Variants in RGSL1 observed in about 807,000 individuals in gnomAD.
RGSL1 encodes regulator of G protein signaling like 1.
A neutral mutation model predicts 124.7 loss-of-function variants in RGSL1; 97 were observed. The observed-to-expected ratio is 0.78, with a 90% CI of 0.66 to 0.92. RGSL1 has a LOEUF of 0.92. RGSL1 is among the 40% of genes least tolerant of loss of function. The pLI is 0.00. For synonymous variants in RGSL1, 424 were observed against 438.1 expected (o/e 0.97, Z 0.40); for missense variants, 1,233 against 1,288.4 (o/e 0.96, Z 0.66).
At chr1:182,469,797 AAT>A (rs897503739) in intron 4 of RGSL1, among the ~76,000 whole-genome samples, 1 of 152,026 alleles carries the variant, frequency 6.6e-6, no homozygotes, top group Non-Finnish European at 1.5e-5. Context: ...TGAGATTTTA[AAT>A]ATATATATAT....
intron 6 of RGSL1, among the ~76,000 whole-genome samples, chr1:182,487,777 G>T (rs1402790230): frequency 6.6e-6 from 1 of 152,194 alleles, no homozygotes; most frequent in Non-Finnish European, 1.5e-5. Context: ...TCAAATGAAT[G>T]AATGAATGAA....
Position 182,540,427 on chromosome 1 carries a change from T to G in RGSL1, c.2669+6T>G. The G allele has an allele frequency of 6.5e-7, 1 of 1,548,744 alleles. No homozygotes were observed. The highest frequency in any genetic ancestry group is 1.2e-5 in the South Asian group (1 of 83,750). On this transcript the variant is annotated splice_donor_region_variant and intron_variant, in intron 15 of 21. Coordinates refer to ENST00000294854, the MANE Select transcript of RGSL1 (RefSeq NM_001137669.2). ...TTCTTTTCTGAAATGGAGAAGTAAG[T>G]TTTCCACTTCTCCTTCTTCTGCCCT...
chr1:182,483,208 T>C (rs1035833999), intron 6 of RGSL1, among the ~76,000 whole-genome samples: 9 of 152,140 alleles, frequency 5.9e-5, no homozygotes, highest in South Asian at 4.1e-4. Flanking sequence ...CTATATTGTA[T>C]ACTTAAAATT....
At chr1:182,500,245 C>G (rs1392166994) in intron 9 of RGSL1, among the ~76,000 whole-genome samples, 4 of 152,076 alleles carry the variant, frequency 2.6e-5, no homozygotes, top group African/African-American at 9.7e-5. Flanking sequence ...GCCAACTGAT[C>G]CAGCACCATT....
chr1:182,498,703 G>C (rs1656120052), intron 9 of RGSL1, among the ~76,000 whole-genome samples: 1 of 152,046 alleles, frequency 6.6e-6, no homozygotes, highest in Non-Finnish European at 1.5e-5. Context: ...CAACAGTGTG[G>C]TTGGTTTAAA....
intron 2 of RGSL1, among the ~76,000 whole-genome samples, chr1:182,457,283 G>C (rs774118278): frequency 2.0e-5 from 3 of 152,174 alleles, no homozygotes; most frequent in Admixed American, 6.5e-5. Flanking sequence ...GCCCTCTATG[G>C]TATAAATGTC....
At chr1:182,499,096 A>C (rs1426844341) in intron 9 of RGSL1, among the ~76,000 whole-genome samples, 1 of 152,182 alleles carries the variant, frequency 6.6e-6, no homozygotes, top group Non-Finnish European at 1.5e-5. Flanking sequence ...CCTGGCTCTT[A>C]TGTGGCCAAT....
Position 182,548,762 on chromosome 1 carries a change from T to A in RGSL1, c.2871T>A (p.Asp957Glu). 1 of 1,551,660 alleles carries A rather than the reference T, an allele frequency of 6.4e-7. No homozygotes were observed. Among genetic ancestry groups the A allele is most frequent in the Non-Finnish European group, 8.7e-7 (1 of 1,146,992 alleles). ...ILAAITEGYL[D>E]RSVFHGAIMS... Reference sequence around the variant, plus strand: ...CTGCCATCACAGAGGGCTACCTAGATCGGAGCGTCTTCCATGGGGCTATCA... The same window carrying A: ...CTGCCATCACAGAGGGCTACCTAGAACGGAGCGTCTTCCATGGGGCTATCA... Residue 957 changes from aspartate (D) to glutamate (E), a missense_variant, in exon 17 of 22, where the codon GAT becomes GAA. Transcript: ENST00000294854.
intron 15 of RGSL1, 122 bp from the exon 16 acceptor site, chr1:182,548,195 C>T (rs1660338675): frequency 1.0e-6 from 1 of 988,722 alleles, no homozygotes; most frequent in Non-Finnish European, 1.5e-6. Context: ...TGAATAAAGT[C>T]ACAACCTGGC....
chr1:182,513,645 CT>C (rs1657641208), intron 9 of RGSL1, among the ~76,000 whole-genome samples: 1 of 152,176 alleles, frequency 6.6e-6, no homozygotes, highest in Non-Finnish European at 1.5e-5. Flanking sequence ...AAGCTTCTGC[CT>C]CTTTCTTGTG....
At chr1:182,517,929 C>T (rs7528724) in intron 9 of RGSL1, among the ~76,000 whole-genome samples, 24,394 of 152,152 alleles carry the variant, frequency 0.16, 2,336 homozygotes, top group Middle Eastern at 0.28. Flanking sequence ...TCTGTTTGCT[C>T]TTGTTTCTTG....
intron 14 of RGSL1, 113 bp downstream of exon 14, chr1:182,532,904 C>A: frequency 2.6e-6 from 3 of 1,153,992 alleles, no homozygotes; most frequent in Non-Finnish European, 2.4e-6. Context: ...TGGAGTCTAG[C>A]AAAAAAACCC....
At chr1:182,550,829 C>T (rs1660514002) in intron 17 of RGSL1, 1 of 442,868 alleles carries the variant, frequency 2.3e-6, no homozygotes, top group Non-Finnish European at 4.0e-6. Flanking sequence ...GATAGTAGGC[C>T]CTTTACAGGC....
chr1:182,504,640 T>C (rs1380135290), intron 9 of RGSL1, among the ~76,000 whole-genome samples: 1 of 152,130 alleles, frequency 6.6e-6, no homozygotes, highest in Non-Finnish European at 1.5e-5. Context: ...TGTTTGTTTA[T>C]TTAGTGACTT....
intron 10 of RGSL1, among the ~76,000 whole-genome samples, chr1:182,524,594 A>T (rs1430758212): frequency 6.6e-6 from 1 of 152,246 alleles, no homozygotes; most frequent in Non-Finnish European, 1.5e-5. Flanking sequence ...CAAGAAAACT[A>T]CCAAACCTCA....
intron 17 of RGSL1, chr1:182,550,328 A>T (rs1027407804): frequency 6.6e-6 from 1 of 152,188 alleles, no homozygotes; most frequent in Non-Finnish European, 1.5e-5. Context: ...CTGGGGAAGG[A>T]GACCCAGTTC....
intron 4 of RGSL1, among the ~76,000 whole-genome samples, chr1:182,464,588 T>C (rs1653120859): frequency 6.6e-6 from 1 of 151,456 alleles, no homozygotes; most frequent in Non-Finnish European, 1.5e-5. Context: ...TCTAGGCATG[T>C]TGGCGGGATC....
intron 9 of RGSL1, among the ~76,000 whole-genome samples, chr1:182,495,092 G>T (rs1655818112): frequency 6.6e-6 from 1 of 152,198 alleles, no homozygotes; most frequent in Non-Finnish European, 1.5e-5. Context: ...AGTGTAATCA[G>T]TTTGTCACTA....
At chr1:182,487,436 A>C (rs142563103) in intron 6 of RGSL1, among the ~76,000 whole-genome samples, 70 of 152,274 alleles carry the variant, frequency 4.6e-4, no homozygotes, top group African/African-American at 1.5e-3. Context: ...TGAAGTACTC[A>C]TGATTCCCAA....
Sources: gnomAD v4.1 joint callset for allele counts (sites outside exome capture counted in the v4.1 genomes callset) on GRCh38, gnomAD v4.1.1 for gene constraint, MANE v1.5 for transcripts, NCBI Gene and HGNC (gene_info 2026-07-23, HGNC 2026-07-21) for gene names.